UCK1: variants seen among roughly 807,000 people sequenced by gnomAD.
The protein encoded by UCK1 is cytidine monophosphokinase 1.
UCK1 carries 20 observed loss-of-function variants against 34.0 expected under a neutral mutation model. The ratio of observed to expected loss-of-function variants is 0.59; its 90% CI spans 0.41 to 0.86. The LOEUF is 0.86. Among genes scored for constraint, UCK1 ranks in the 40% least tolerant of loss-of-function variants. The pLI is 0.00. For missense variants in UCK1, 343 were observed against 383.6 expected, an observed-to-expected ratio of 0.89 and a Z score of 0.88; for synonymous variants, 168 against 155.9, an observed-to-expected ratio of 1.08 and a Z score of -0.58.
At chr9:131,530,366 C>T in intron 2 of UCK1, 120 bp downstream of exon 2, 1 of 1,218,698 alleles carries the variant, frequency 8.2e-7, no homozygotes, top group South Asian at 1.4e-5. Flanking sequence ...GGCTGCGTGG[C>T]GAGTTGGGGG....
chr9:131,525,199 C>T lies in UCK1; in HGVS notation c.675G>A (p.Gln225=). 6.2e-7 allele frequency: 1 copy of T among 1,614,066 alleles called. No homozygotes were observed. Among genetic ancestry groups the T allele is most frequent in the South Asian group, 1.1e-5 (1 of 91,090 alleles). Residue 225 remains glutamine, a synonymous_variant, in exon 7 of 7, where the codon CAG becomes CAA. Transcript: ENST00000372215. ...DNMVAINLIV[Q]HIQDILNGDI... is the part of the protein sequence containing the mutation. ...CACCATTCAGAATGTCCTGGATGTG[C>T]TGCACGATCAGGTTGATGGCAACTG...
At chr9:131,526,293 C>A in intron 5 of UCK1, 2 of 794,108 alleles carry the variant, frequency 2.5e-6, no homozygotes, top group Admixed American at 2.3e-5. Context: ...GCTAACGACT[C>A]AATTCACTGG....
At chr9:131,527,225 G>A (rs1264322598) in intron 5 of UCK1, among the ~76,000 whole-genome samples, 1 of 152,064 alleles carries the variant, frequency 6.6e-6, no homozygotes, top group Non-Finnish European at 1.5e-5. Flanking sequence ...CTACTCAGGA[G>A]CCTGAGGTGG....
In UCK1 at chr9:131,525,990, A is replaced by AG. The variant is rs770910464; in HGVS notation, c.604-14dup. On this transcript the variant is annotated splice_polypyrimidine_tract_variant and intron_variant, in intron 5 of 6. Coordinates refer to ENST00000372215, the MANE Select transcript of UCK1 (RefSeq NM_031432.5). ...CATACTTCTTTGTCTGTAAGGCACA[A>AG]GGGGGGGTGTTCCTGTGAGGACTTT... 68 of 1,613,742 alleles carry AG rather than the reference A, an allele frequency of 4.2e-5. No individual in the cohort carries two copies. Among genetic ancestry groups the AG allele is most frequent in the South Asian group, 7.7e-5 (7 of 91,050 alleles).
chr9:131,524,420 G>GC lies in UCK1; in HGVS notation c.*619dup, dbSNP rs1950498760. The GC allele has an allele frequency of 1.3e-5, 2 of 152,404 alleles. No homozygotes were observed. Among genetic ancestry groups the GC allele is most frequent in the Admixed American group, 1.3e-4 (2 of 15,304 alleles). 9.4% of individuals were successfully genotyped at this position (152,404 alleles called of 1,614,324 possible). The stretch of plus-strand genomic sequence containing the variant: ...TCGCTTCTCTGCCTTTAAGGCACAA[G>GC]CAAGGGGGGAAAACATCCCTCAGTG... On this transcript the variant is annotated 3_prime_UTR_variant, in exon 7 of 7. Transcript: ENST00000372215.
chr9:131,525,278 G>A (rs956769774), intron 6 of UCK1, 57 bp from the exon 7 acceptor site: 84 of 1,604,986 alleles, frequency 5.2e-5, no homozygotes, highest in Middle Eastern at 2.2e-4. Context: ...CGTGGAGACC[G>A]CCCCTCCCCG....
chr9:131,530,424 G>T (rs1295156900), intron 2 of UCK1, 62 bp downstream of exon 2: 20 of 1,596,694 alleles, frequency 1.3e-5, no homozygotes, highest in Non-Finnish European at 1.6e-5. Flanking sequence ...CCCAAGCGCA[G>T]CTGGTTAGCG....
intron 2 of UCK1, among the ~76,000 whole-genome samples, 155 bp downstream of exon 2, chr9:131,530,331 T>C (rs953274622): frequency 1.3e-5 from 2 of 152,194 alleles, no homozygotes; most frequent in African/African-American, 4.8e-5. Context: ...TCCCCTGACT[T>C]CACTGTGCAG....
chr9:131,524,803 A>C lies in UCK1; in HGVS notation c.*237T>G. ...TGGCATTTCTCAGTGACCTAGAGGG[A>C]TCTTTAAACCGCAACGAGCCTAAGT... On this transcript the variant is annotated 3_prime_UTR_variant, in exon 7 of 7. Transcript: ENST00000372215. 2.0e-6 allele frequency: 1 copy of C among 508,660 alleles called. No homozygotes were observed. Among genetic ancestry groups the C allele is most frequent in the Non-Finnish European group, 3.5e-6 (1 of 288,212 alleles). The allele number at this position is 508,660 out of a possible 1,614,324, so 31.5% of individuals were successfully genotyped here.
At chr9:131,526,625 T>C (rs193172766) in intron 5 of UCK1, 5 of 776,156 alleles carry the variant, frequency 6.4e-6, no homozygotes, top group Non-Finnish European at 9.6e-6. Flanking sequence ...CTGGAGAACA[T>C]GGCTGAATCA....
chr9:131,531,244 C>G lies in UCK1; in HGVS notation c.-70G>C, dbSNP rs1213908049. ...CCCCAGGCCCGGCGCGCCCGCCCAG[C>G]GCCGAGGTCGGAGGCAACCGGAGCG... On this transcript the variant is annotated 5_prime_UTR_variant, in exon 1 of 7. Transcript: ENST00000372215. 3 of 1,284,474 alleles carry G rather than the reference C, an allele frequency of 2.3e-6. No individual in the cohort carries two copies. Among genetic ancestry groups the G allele is most frequent in the East Asian group, 6.5e-5 (2 of 30,674 alleles). 79.6% of individuals were successfully genotyped at this position (1,284,474 alleles called of 1,614,324 possible).
chr9:131,530,759 G>C, intron 1 of UCK1, 114 bp from the exon 2 acceptor site: 1 of 1,584,234 alleles, frequency 6.3e-7, no homozygotes, highest in Non-Finnish European at 8.6e-7. Flanking sequence ...CTCGGAAGGC[G>C]GGAGGACACC....
chr9:131,528,868 A>T (rs893446661), intron 5 of UCK1, 76 bp downstream of exon 5: 3 of 1,539,300 alleles, frequency 1.9e-6, no homozygotes, highest in Admixed American at 3.7e-5. Flanking sequence ...CCCAGCACTA[A>T]GCCCTCTCAC....
At position 131,531,170 on chromosome 9, in the gene UCK1, G is replaced by C. The variant is rs1386952788; in HGVS notation, c.5C>G (p.Ala2Gly). Residue 2 changes from alanine (A) to glycine (G), a missense_variant, in exon 1 of 7, where the codon GCT (alanine) becomes GGT (glycine). By Grantham distance (60) the Ala-to-Gly change is moderately conservative. Transcript: ENST00000372215. MASAGGEDCESP... is the reference protein window; with the variant it reads MGSAGGEDCESP... Reference sequence around the variant, plus strand: ...CTCGCAGTCTTCGCCTCCCGCCGAAGCCATCTCGGCCTCCGCTCCCGCGCA... The same window carrying C: ...CTCGCAGTCTTCGCCTCCCGCCGAACCCATCTCGGCCTCCGCTCCCGCGCA... 50 of 1,413,856 alleles carry C rather than the reference G, an allele frequency of 3.5e-5. No homozygotes were observed. The East Asian group carries it at 1.5e-3, about 42-fold the overall frequency. The allele number at this position is 1,413,856 out of a possible 1,614,324, so 87.6% of individuals were successfully genotyped here.
intron 1 of UCK1, 106 bp downstream of exon 1, chr9:131,530,961 C>A: frequency 9.2e-7 from 1 of 1,084,930 alleles, no homozygotes; most frequent in Non-Finnish European, 1.2e-6. Context: ...GCGCCCTGCC[C>A]CTGCCTGGCA....
intron 5 of UCK1, chr9:131,526,277 G>A (rs577266110): frequency 9.3e-5 from 66 of 712,962 alleles, no homozygotes; most frequent in Middle Eastern, 3.0e-4. Flanking sequence ...GGAGACAGCT[G>A]GCTACGCTAA....
rs1390578064 is a variant in UCK1 at position 131,525,252 on chromosome 9, AG to A, written c.653-32del. On this transcript the variant is annotated intron_variant, in intron 6 of 6. Coordinates refer to ENST00000372215, the MANE Select transcript of UCK1 (RefSeq NM_031432.5). ...CCAAGAGACAGACAAGCAGCGGGTT[AG>A]CCGCATCCATCCTCCGTGGAGACCG... The A allele has an allele frequency of 1.2e-5, 19 of 1,612,180 alleles. No individual in the cohort carries two copies. In the African/African-American group the frequency reaches 2.3e-4, roughly 19 times the overall value.
chr9:131,528,819 G>A lies in UCK1; in HGVS notation c.603+125C>T, dbSNP rs1042746354. Reference sequence around the variant, plus strand: ...CTCCCAGGGTATGTGGCCATAATGAGCCAAATTCTTCTCCTTTTTTTCAAT... The same window carrying A: ...CTCCCAGGGTATGTGGCCATAATGAACCAAATTCTTCTCCTTTTTTTCAAT... On this transcript the variant is annotated intron_variant, in intron 5 of 6. Coordinates refer to ENST00000372215, the MANE Select transcript of UCK1 (RefSeq NM_031432.5). The A allele has an allele frequency of 2.4e-5, 30 of 1,230,162 alleles. No homozygotes were observed. The African/African-American group carries it at 3.3e-4, about 14-fold the overall frequency. 76.2% of individuals were successfully genotyped at this position (1,230,162 alleles called of 1,614,324 possible).
At chr9:131,527,678 A>G (rs1219846692) in intron 5 of UCK1, among the ~76,000 whole-genome samples, 3 of 152,042 alleles carry the variant, frequency 2.0e-5, no homozygotes, top group African/African-American at 7.3e-5. Context: ...GGAGATGGAG[A>G]CCAGCCTGGG....
Sources: allele counts gnomAD v4.1 joint callset (sites outside exome capture counted in the v4.1 genomes callset), GRCh38; gene constraint gnomAD v4.1.1; transcripts MANE v1.5; gene names NCBI Gene and HGNC (gene_info 2026-07-23, HGNC 2026-07-21).